The following ERBB4 variants were observed in gnomAD, a reference collection of about 807,000 sequenced individuals.
ERBB4 encodes receptor tyrosine-protein kinase erbB-4.
A neutral mutation model predicts 158.0 loss-of-function variants in ERBB4; 42 were observed. The ratio of observed to expected loss-of-function variants is 0.27; its 90% CI spans 0.21 to 0.34. ERBB4 has a LOEUF of 0.34. ERBB4 is among the 10% of genes least tolerant of loss of function. The pLI, the probability that ERBB4 is intolerant of heterozygous loss-of-function variation, is 1.00. For missense variants in ERBB4, 1,333 were observed against 1,624.1 expected, an observed-to-expected ratio of 0.82 and a Z score of 3.08; for synonymous variants, 583 against 558.7, an observed-to-expected ratio of 1.04 and a Z score of -0.61.
At chr2:211,694,927 T>C (rs1182422540) in intron 12 of ERBB4, among the ~76,000 whole-genome samples, 1 of 152,216 alleles carries the variant, frequency 6.6e-6, no homozygotes, top group Non-Finnish European at 1.5e-5. Context: ...AGTAATATTT[T>C]CTTAAAATAA....
At chr2:211,519,331 C>T (rs1368307967) in intron 20 of ERBB4, among the ~76,000 whole-genome samples, 1 of 152,082 alleles carries the variant, frequency 6.6e-6, no homozygotes, top group Non-Finnish European at 1.5e-5. Flanking sequence ...TGTAGATTGG[C>T]TGTAAATTTC....
In ERBB4 at chr2:212,528,990, C is replaced by A. The variant is rs533148781; in HGVS notation, c.82+9459G>T. On this transcript the variant is annotated intron_variant, in intron 1 of 27. Coordinates refer to ENST00000342788, the MANE Select transcript of ERBB4 (RefSeq NM_005235.3). ...AGAAAATGCCAGATTCTATCTGGAACCCTTTTTCATGAAATATTTATTAAC... is the reference window on the plus strand; with the variant it reads ...AGAAAATGCCAGATTCTATCTGGAAACCTTTTTCATGAAATATTTATTAAC... 3.3e-4 allele frequency among the ~76,000 whole-genome samples: 50 copies of A among 152,234 alleles called. 1 individual carries two copies. The highest frequency in any genetic ancestry group is 1.2e-3 in the African/African-American group (50 of 41,540).
intron 9 of ERBB4, among the ~76,000 whole-genome samples, chr2:211,706,131 C>G (rs1000347531): frequency 2.0e-5 from 3 of 152,036 alleles, no homozygotes; most frequent in African/African-American, 7.2e-5. Flanking sequence ...GTAGAGACCT[C>G]ATATTAATAT....
At chr2:211,737,248 A>G (rs757545256) in intron 5 of ERBB4, among the ~76,000 whole-genome samples, 41 of 152,306 alleles carry the variant, frequency 2.7e-4, no homozygotes, top group Admixed American at 4.6e-4. Flanking sequence ...AATTAAAAGT[A>G]ATTCAAAATA....
intron 1 of ERBB4, among the ~76,000 whole-genome samples, chr2:212,299,218 A>G (rs1162925048): frequency 6.6e-6 from 1 of 151,702 alleles, no homozygotes; most frequent in African/African-American, 2.4e-5. Flanking sequence ...CTGCTTCCCT[A>G]CATTATAAAT....
intron 2 of ERBB4, among the ~76,000 whole-genome samples, chr2:211,980,343 T>C (rs1361354331): frequency 1.3e-5 from 2 of 152,164 alleles, no homozygotes; most frequent in Non-Finnish European, 2.9e-5. Flanking sequence ...TGCATCAATA[T>C]AAGCAGTTGA....
chr2:212,389,708 G>A (rs1035269636), intron 1 of ERBB4, among the ~76,000 whole-genome samples: 3 of 151,854 alleles, frequency 2.0e-5, no homozygotes, highest in African/African-American at 7.2e-5. Flanking sequence ...AATTATTTTA[G>A]TAACCATTTG....
At chr2:211,683,359 C>G (rs779552362) in intron 12 of ERBB4, among the ~76,000 whole-genome samples, 35 of 152,246 alleles carry the variant, frequency 2.3e-4, no homozygotes, top group Admixed American at 2.2e-3. Flanking sequence ...ATTAGAGCTC[C>G]ATTGCTGCAA....
At chr2:211,511,193 C>A (rs141551056) in intron 20 of ERBB4, among the ~76,000 whole-genome samples, 103 of 151,490 alleles carry the variant, frequency 6.8e-4, no homozygotes, top group African/African-American at 2.4e-3. Context: ...ATTAAAAATT[C>A]TCTTAAGTTT....
At chr2:212,320,467 T>C (rs1381050880) in intron 1 of ERBB4, among the ~76,000 whole-genome samples, 1 of 146,996 alleles carries the variant, frequency 6.8e-6, no homozygotes, top group East Asian at 2.0e-4. Flanking sequence ...ACATTAACTA[T>C]AGATTTTCTC....
intron 12 of ERBB4, among the ~76,000 whole-genome samples, chr2:211,691,011 TAACTA>T (rs2072794496): frequency 6.6e-6 from 1 of 152,312 alleles, no homozygotes; most frequent in Middle Eastern, 3.4e-3. Context: ...GAACCTGCTT[TAACTA>T]AACTAGAGGG....
intron 1 of ERBB4, among the ~76,000 whole-genome samples, chr2:212,442,842 T>G (rs1398392895): frequency 6.6e-6 from 1 of 152,210 alleles, no homozygotes; most frequent in Non-Finnish European, 1.5e-5. Flanking sequence ...CTGGAAGGAC[T>G]GCAGAGATTA....
intron 3 of ERBB4, among the ~76,000 whole-genome samples, chr2:211,858,884 C>T (rs764205629): frequency 7.2e-5 from 11 of 152,118 alleles, no homozygotes; most frequent in African/African-American, 2.2e-4. Flanking sequence ...CCCGTTCAAG[C>T]GATTCTCCTG....
chr2:212,267,857 G>A (rs1332443301), intron 1 of ERBB4, among the ~76,000 whole-genome samples: 3 of 151,262 alleles, frequency 2.0e-5, no homozygotes, highest in African/African-American at 7.3e-5. Context: ...ATTAGATCTG[G>A]CACCAGAGAG....
chr2:212,180,690 T>C (rs139412362), intron 1 of ERBB4, among the ~76,000 whole-genome samples: 1 of 151,724 alleles, frequency 6.6e-6, no homozygotes, highest in East Asian at 1.9e-4. Context: ...ATTTCTCAAC[T>C]CAGTATTCAA....
At chr2:212,358,170 G>T (rs540685573) in intron 1 of ERBB4, among the ~76,000 whole-genome samples, 2 of 151,834 alleles carry the variant, frequency 1.3e-5, no homozygotes, top group African/African-American at 4.8e-5. Context: ...TTTTTAAAAA[G>T]AACTATTTAA....
At chr2:212,516,656 TTA>T (rs1270766955) in intron 1 of ERBB4, among the ~76,000 whole-genome samples, 3 of 152,052 alleles carry the variant, frequency 2.0e-5, no homozygotes, top group Non-Finnish European at 4.4e-5. Context: ...TGTGTTGAAT[TTA>T]TATGTGTTTA....
At chr2:212,026,465 A>G (rs1290508277) in intron 2 of ERBB4, among the ~76,000 whole-genome samples, 1 of 151,864 alleles carries the variant, frequency 6.6e-6, no homozygotes. Flanking sequence ...GTATGAACAA[A>G]TTCGTCACTC....
At position 212,216,181 on chromosome 2, in the gene ERBB4, T is replaced by A. The variant is rs117919127; in HGVS notation, c.83-91278A>T. Among the ~76,000 whole-genome samples the A allele has an allele frequency of 2.8e-4, 42 of 151,526 alleles. No individual in the cohort carries two copies. The East Asian group carries it at 7.5e-3, about 27-fold the overall frequency. On this transcript the variant is annotated intron_variant, in intron 1 of 27. Coordinates refer to ENST00000342788, the MANE Select transcript of ERBB4 (RefSeq NM_005235.3). ...CAATGAGCATATTATTTTATGATAATCCTTATGTTTAATATCTTTCCCTCT... is the reference window on the plus strand; with the variant it reads ...CAATGAGCATATTATTTTATGATAAACCTTATGTTTAATATCTTTCCCTCT...
Sources: gnomAD v4.1 joint callset for allele counts (sites outside exome capture counted in the v4.1 genomes callset) on GRCh38, gnomAD v4.1.1 for gene constraint, MANE v1.5 for transcripts, NCBI Gene and HGNC (gene_info 2026-07-23, HGNC 2026-07-21) for gene names.